EIF2AK4: variants seen among roughly 807,000 people sequenced by gnomAD.
EIF2AK4 encodes eIF-2-alpha kinase GCN2.
A neutral mutation model predicts 211.1 loss-of-function variants in EIF2AK4; 139 were observed. The observed-to-expected ratio is 0.66, with a 90% confidence interval of 0.57 to 0.76. The LOEUF is 0.76. Ranked by LOEUF, EIF2AK4 falls within the 30% of genes least tolerant of loss-of-function variation. The pLI is 0.00. For synonymous variants in EIF2AK4, 710 were observed against 751.3 expected (o/e 0.94, Z 0.90); for missense variants, 1,664 against 2,043.8 (o/e 0.81, Z 3.58).
chr15:40,018,914 AT>A (rs1413990614), intron 29 of EIF2AK4, among the ~76,000 whole-genome samples, 178 bp from the exon 30 acceptor site: 1 of 152,118 alleles, frequency 6.6e-6, no homozygotes, highest in African/African-American at 2.4e-5. Flanking sequence ...ATTTGTTAAT[AT>A]TTTTTCTAAA....
At chr15:40,006,274 A>G (rs1488519146) in intron 23 of EIF2AK4, among the ~76,000 whole-genome samples, 6 of 152,204 alleles carry the variant, frequency 3.9e-5, no homozygotes, top group African/African-American at 1.4e-4. Context: ...AGGTAGAGGT[A>G]AATAAACAGC....
At chr15:39,947,936 C>A (rs558055113) in intron 3 of EIF2AK4, among the ~76,000 whole-genome samples, 1 of 152,340 alleles carries the variant, frequency 6.6e-6, no homozygotes, top group African/African-American at 2.4e-5. Flanking sequence ...TTGGCTCCTG[C>A]CTCCTTTTTG....
intron 27 of EIF2AK4, among the ~76,000 whole-genome samples, chr15:40,012,795 T>C (rs920424149): frequency 3.3e-5 from 5 of 152,238 alleles, no homozygotes; most frequent in Non-Finnish European, 7.3e-5. Flanking sequence ...AAGTGTTAAT[T>C]AGACGTGTCT....
chr15:39,955,889 C>G lies in EIF2AK4; in HGVS notation c.743+121C>G, dbSNP rs983099730. 1.0e-5 allele frequency: 10 copies of G among 988,508 alleles called. No individual in the cohort carries two copies. In the South Asian group the frequency reaches 2.1e-4, roughly 21 times the overall value. The allele number at this position is 988,508 out of a possible 1,614,324, so 61.2% of individuals were successfully genotyped here. ...ATAGTCTTAATAACTTTTTTCAAAC[C>G]TTATATATCTTAATATATTAGCAAT... On this transcript the variant is annotated intron_variant, in intron 6 of 38. Coordinates refer to ENST00000263791, the MANE Select transcript of EIF2AK4 (RefSeq NM_001013703.4).
Position 40,034,188 on chromosome 15 carries a change from T to C in EIF2AK4, c.4774-138T>C. Reference sequence around the variant, plus strand: ...GGAACCCCAGCAGTCTCCTAACTGGTTCTGCTATCTCCCTATTACTGATTC... The same window carrying C: ...GGAACCCCAGCAGTCTCCTAACTGGCTCTGCTATCTCCCTATTACTGATTC... On this transcript the variant is annotated intron_variant, in intron 37 of 38. Coordinates refer to ENST00000263791, the MANE Select transcript of EIF2AK4 (RefSeq NM_001013703.4). The C allele has an allele frequency of 7.5e-6, 5 of 663,460 alleles. No individual in the cohort carries two copies. The South Asian group carries it at 9.6e-5, about 13-fold the overall frequency. The allele number at this position is 663,460 out of a possible 1,614,324, so 41.1% of individuals were successfully genotyped here.
chr15:39,992,215 A>C lies in EIF2AK4; in HGVS notation c.2672A>C (p.Lys891Thr). The change falls in exon 17 of 39, where the codon AAG becomes ACG. Residue 891 changes from lysine (K) to threonine (T), a missense_variant. Coordinates refer to ENST00000263791, the MANE Select transcript of EIF2AK4 (RefSeq NM_001013703.4). ...GACGATCAGACAGGAGACTTGATTA[A>C]GTCAGACCCTTCAGGTAAACCCAGA... is the stretch of plus-strand genomic sequence containing the variant. ...KQDDQTGDLIKSDPSGHLTGM... is the reference protein window; with the variant it reads ...KQDDQTGDLITSDPSGHLTGM... 6.2e-7 allele frequency: 1 copy of C among 1,611,950 alleles called. No homozygotes were observed. Among genetic ancestry groups the C allele is most frequent in the Non-Finnish European group, 8.5e-7 (1 of 1,178,976 alleles).
At chr15:40,004,766 G>T (rs2035137827) in intron 23 of EIF2AK4, among the ~76,000 whole-genome samples, 1 of 152,086 alleles carries the variant, frequency 6.6e-6, no homozygotes. Context: ...TGTTGCCCAG[G>T]CTGGTCTCAA....
chr15:39,955,286 T>C (rs1461945955), intron 5 of EIF2AK4, among the ~76,000 whole-genome samples: 1 of 152,238 alleles, frequency 6.6e-6, no homozygotes, highest in Non-Finnish European at 1.5e-5. Context: ...TATTTAGGCA[T>C]TAACATTTTT....
chr15:39,987,948 G>A (rs1566995581), intron 14 of EIF2AK4, 35 bp from the exon 15 acceptor site: 7 of 1,609,854 alleles, frequency 4.3e-6, no homozygotes, highest in Admixed American at 1.7e-5. Flanking sequence ...TAAAACTGTT[G>A]TGTAATCAAA....
intron 6 of EIF2AK4, among the ~76,000 whole-genome samples, chr15:39,957,781 G>A (rs1296542782): frequency 6.6e-6 from 1 of 152,172 alleles, no homozygotes; most frequent in Non-Finnish European, 1.5e-5. Flanking sequence ...GTGGGACACT[G>A]TGTTTCTGGT....
At chr15:39,993,562 A>G (rs1346134974) in intron 18 of EIF2AK4, among the ~76,000 whole-genome samples, 1 of 152,178 alleles carries the variant, frequency 6.6e-6, no homozygotes, top group Non-Finnish European at 1.5e-5. Context: ...CTGCACACAT[A>G]AAGAGAAAGC....
In EIF2AK4 at chr15:40,003,189, G is replaced by C. The variant is rs774639261; in HGVS notation, c.3236-4G>C. On this transcript the variant is annotated splice_polypyrimidine_tract_variant and splice_region_variant and intron_variant, in intron 22 of 38. Coordinates refer to ENST00000263791, the MANE Select transcript of EIF2AK4 (RefSeq NM_001013703.4). ...GATGAGCTATTTTTTCTCATTTGGTGTAGGAGCTGTTCAGTTGTGTACTCC... is the reference window on the plus strand; with the variant it reads ...GATGAGCTATTTTTTCTCATTTGGTCTAGGAGCTGTTCAGTTGTGTACTCC... 6.2e-7 allele frequency: 1 copy of C among 1,613,902 alleles called. No homozygotes were observed.
intron 37 of EIF2AK4, among the ~76,000 whole-genome samples, chr15:40,033,370 A>C (rs193292796): frequency 8.5e-5 from 13 of 152,322 alleles, no homozygotes; most frequent in African/African-American, 3.1e-4. Flanking sequence ...TTTTGTAAAA[A>C]TTAATTAGGT....
At position 40,029,026 on chromosome 15, in the gene EIF2AK4, A is replaced by G. The variant is rs372821790; in HGVS notation, c.4503-380A>G. On this transcript the variant is annotated intron_variant, in intron 33 of 38. Transcript: ENST00000263791. ...AAATGTTCTCCTGTGGGTGGTTGCC[A>G]AGGCTACTGCCATAATGAAGGTGGG... Among the ~76,000 whole-genome samples, 10 of 152,316 alleles carry G rather than the reference A, an allele frequency of 6.6e-5. No homozygotes were observed. The East Asian group carries it at 1.9e-3, about 29-fold the overall frequency.
chr15:40,019,718 T>G (rs1158282728), intron 30 of EIF2AK4, among the ~76,000 whole-genome samples: 1 of 152,170 alleles, frequency 6.6e-6, no homozygotes, highest in Non-Finnish European at 1.5e-5. Flanking sequence ...ATGAAAAATT[T>G]TCTTCCATGA....
intron 6 of EIF2AK4, among the ~76,000 whole-genome samples, chr15:39,956,004 C>CTTT (rs11320320): frequency 2.9e-5 from 3 of 103,524 alleles, no homozygotes; most frequent in African/African-American, 4.1e-5. Context: ...TGCTCATTCC[C>CTTT]TTTTTTTTTT....
intron 8 of EIF2AK4, among the ~76,000 whole-genome samples, chr15:39,966,357 T>G (rs1242861165): frequency 6.6e-6 from 1 of 151,846 alleles, no homozygotes; most frequent in Non-Finnish European, 1.5e-5. Context: ...TGGTCCCAGC[T>G]GCTTGGGAGG....
In EIF2AK4 at chr15:39,955,585, T is replaced by TA. The variant is rs1297813063; in HGVS notation, c.595-34dup. ...CCATGATTTTCTTCCATGTATGACT[T>TA]ACATCTAAAGTAAGTTTTACTTTTC... On this transcript the variant is annotated intron_variant, in intron 5 of 38. Transcript: ENST00000263791. The TA allele has an allele frequency of 3.2e-6, 5 of 1,584,318 alleles. No homozygotes were observed. In the South Asian group the frequency reaches 3.6e-5, roughly 11 times the overall value.
Position 40,022,613 on chromosome 15 carries a change from C to A in EIF2AK4, c.4389+8C>A, listed in dbSNP as rs1192525802. 6.2e-7 allele frequency: 1 copy of A among 1,613,374 alleles called. No homozygotes were observed. Among genetic ancestry groups the A allele is most frequent in the African/African-American group, 1.3e-5 (1 of 74,906 alleles). ...GAAGGAAGCCATGTCAAGGTAAAGACGTCAGAGATTTTTTACAATTCAATA... is the reference window on the plus strand; with the variant it reads ...GAAGGAAGCCATGTCAAGGTAAAGAAGTCAGAGATTTTTTACAATTCAATA... On this transcript the variant is annotated splice_region_variant and intron_variant, in intron 32 of 38. Transcript: ENST00000263791.
Sources: allele counts gnomAD v4.1 joint callset (sites outside exome capture counted in the v4.1 genomes callset), GRCh38; gene constraint gnomAD v4.1.1; transcripts MANE v1.5; gene names NCBI Gene and HGNC (gene_info 2026-07-23, HGNC 2026-07-21).